The following CNBD1 variants were observed in gnomAD, a reference collection of about 807,000 sequenced individuals.
The protein encoded by CNBD1 is cyclic nucleotide-binding domain-containing protein 1.
In CNBD1, 71 loss-of-function variants were observed where a neutral mutation model predicts 54.4. The observed-to-expected ratio is 1.30, with a 90% CI of 1.08 to 1.59. The LOEUF (loss-of-function observed/expected upper bound fraction) is 1.59. Among genes scored for constraint, CNBD1 ranks in the 40% most tolerant of loss-of-function variants. The probability of loss-of-function intolerance (pLI) is 0.00; values close to 1 mark genes in which losing one functional copy is unlikely to be tolerated. For synonymous variants in CNBD1, 182 were observed against 170.7 expected, an observed-to-expected ratio of 1.07 and a Z score of -0.51; for missense variants, 659 against 518.0, an observed-to-expected ratio of 1.27 and a Z score of -2.64.
chr8:87,350,805 AATTTT>A (rs1473538157), intron 8 of CNBD1, among the ~76,000 whole-genome samples: 1 of 151,934 alleles, frequency 6.6e-6, no homozygotes, highest in Admixed American at 6.6e-5. Flanking sequence ...TTGAAATACT[AATTTT>A]AATTTATATA....
intron 2 of CNBD1, among the ~76,000 whole-genome samples, chr8:87,416,477 A>G (rs1807835073): frequency 6.6e-6 from 1 of 152,016 alleles, no homozygotes; most frequent in Non-Finnish European, 1.5e-5. Context: ...GCTCTGGGGA[A>G]GCCTTGAAAA....
At chr8:87,026,848 A>G (rs1319230316) in intron 4 of CNBD1, among the ~76,000 whole-genome samples, 7 of 152,210 alleles carry the variant, frequency 4.6e-5, no homozygotes, top group Admixed American at 2.0e-4. Flanking sequence ...CTCATTTGTC[A>G]GAGAAGACAC....
At chr8:87,132,414 A>G (rs1264602572) in intron 4 of CNBD1, among the ~76,000 whole-genome samples, 2 of 151,336 alleles carry the variant, frequency 1.3e-5, no homozygotes, top group East Asian at 1.9e-4. Flanking sequence ...TGTGAAAAAG[A>G]TTAAATTTAT....
intron 4 of CNBD1, among the ~76,000 whole-genome samples, chr8:86,991,242 T>C (rs1440476477): frequency 6.6e-6 from 1 of 152,172 alleles, no homozygotes; most frequent in Non-Finnish European, 1.5e-5. Context: ...AAAGTGGGCA[T>C]CCTTTCATAT....
chr8:87,406,926 A>G (rs1807662591), intron 2 of CNBD1, among the ~76,000 whole-genome samples: 1 of 152,180 alleles, frequency 6.6e-6, no homozygotes, highest in Non-Finnish European at 1.5e-5. Context: ...ATTTCAAAGT[A>G]TTTTGTAATT....
At chr8:87,328,124 T>A (rs1809724911) in intron 8 of CNBD1, among the ~76,000 whole-genome samples, 3 of 152,026 alleles carry the variant, frequency 2.0e-5, no homozygotes, top group African/African-American at 7.3e-5. Context: ...GTCCTGATGC[T>A]CTCCTTCCCC....
At chr8:87,240,054 G>A (rs917466426) in intron 6 of CNBD1, among the ~76,000 whole-genome samples, 1 of 140,046 alleles carries the variant, frequency 7.1e-6, no homozygotes, top group African/African-American at 2.7e-5. Context: ...ATATAGTATG[G>A]TCTGTGCCAA....
At chr8:86,964,117 G>T (rs1476110809) in intron 4 of CNBD1, among the ~76,000 whole-genome samples, 1 of 322 alleles carries the variant, frequency 3.1e-3, no homozygotes, top group East Asian at 0.083. Flanking sequence ...TGGTCGTATG[G>T]CCTGTTTCTG....
chr8:87,232,106 T>G (rs934840556), intron 5 of CNBD1, among the ~76,000 whole-genome samples: 2 of 152,174 alleles, frequency 1.3e-5, no homozygotes, highest in Non-Finnish European at 2.9e-5. Context: ...GAATCAATAG[T>G]TCATTCCTTT....
chr8:87,374,801 G>T (rs1010856943), intron 10 of CNBD1, among the ~76,000 whole-genome samples: 1 of 150,346 alleles, frequency 6.7e-6, no homozygotes, highest in South Asian at 2.1e-4. Flanking sequence ...TTTCTTGGAT[G>T]GAATTGCTCA....
intron 4 of CNBD1, among the ~76,000 whole-genome samples, chr8:86,966,697 G>C (rs1162480185): frequency 6.6e-6 from 1 of 152,132 alleles, no homozygotes; most frequent in Non-Finnish European, 1.5e-5. Flanking sequence ...GGATAGGTTT[G>C]TGGTCTTGCT....
intron 4 of CNBD1, among the ~76,000 whole-genome samples, chr8:86,978,897 C>T (rs2130504775): frequency 6.6e-6 from 1 of 151,900 alleles, no homozygotes; most frequent in South Asian, 2.1e-4. Flanking sequence ...TGATTTTTTT[C>T]TGGAAAAAAG....
intron 8 of CNBD1, among the ~76,000 whole-genome samples, chr8:87,351,390 G>A (rs1368107124): frequency 1.3e-5 from 2 of 152,104 alleles, no homozygotes; most frequent in Non-Finnish European, 2.9e-5. Flanking sequence ...TACAGATCAA[G>A]GTTTCTTCTA....
At chr8:87,100,004 A>T (rs149988485) in intron 4 of CNBD1, among the ~76,000 whole-genome samples, 72 of 152,342 alleles carry the variant, frequency 4.7e-4, no homozygotes, top group African/African-American at 1.6e-3. Flanking sequence ...GAAGAGTCAG[A>T]AAAACAGCCT....
chr8:87,348,922 C>T (rs1370230566), intron 8 of CNBD1, among the ~76,000 whole-genome samples: 1 of 152,134 alleles, frequency 6.6e-6, no homozygotes, highest in Non-Finnish European at 1.5e-5. Flanking sequence ...TTCTGATATT[C>T]TTCTTTTCCT....
chr8:87,234,573 A>G (rs539395769), intron 5 of CNBD1, among the ~76,000 whole-genome samples: 23 of 152,300 alleles, frequency 1.5e-4, no homozygotes, highest in African/African-American at 4.8e-4. Context: ...TGAGTAGTTG[A>G]TCTCAACAGT....
chr8:87,270,704 T>C (rs1176692081), intron 6 of CNBD1, among the ~76,000 whole-genome samples: 2 of 151,828 alleles, frequency 1.3e-5, no homozygotes, highest in African/African-American at 4.8e-5. Context: ...AAAAAATTTA[T>C]TTATTTATTT....
chr8:87,056,177 T>G (rs1695038280), intron 4 of CNBD1, among the ~76,000 whole-genome samples: 1 of 152,112 alleles, frequency 6.6e-6, no homozygotes, highest in African/African-American at 2.4e-5. Flanking sequence ...ATTGTTAGCC[T>G]ATACAGAGCC....
At chr8:87,043,621 A>G (rs2130613178) in intron 4 of CNBD1, among the ~76,000 whole-genome samples, 1 of 152,302 alleles carries the variant, frequency 6.6e-6, no homozygotes, top group African/African-American at 2.4e-5. Flanking sequence ...GCTCTGCTAT[A>G]TGCTCATCAC....
Sources: allele counts gnomAD v4.1 joint callset (sites outside exome capture counted in the v4.1 genomes callset), GRCh38; gene constraint gnomAD v4.1.1; transcripts MANE v1.5; gene names NCBI Gene and HGNC (gene_info 2026-07-23, HGNC 2026-07-21).